The following RALGPS1 variants were observed in gnomAD, a reference collection of about 807,000 sequenced individuals.
The protein encoded by RALGPS1 is ras-specific guanine nucleotide-releasing factor RalGPS1.
A neutral mutation model predicts 78.8 loss-of-function variants in RALGPS1; 19 were observed. The ratio of observed to expected loss-of-function variants is 0.24; its 90% CI spans 0.17 to 0.35. The LOEUF is 0.35. Among genes scored for constraint, RALGPS1 ranks in the 10% least tolerant of loss-of-function variants. The pLI, the probability that RALGPS1 is intolerant of heterozygous loss-of-function variation, is 1.00. For synonymous variants in RALGPS1, 228 were observed against 256.3 expected (o/e 0.89, Z 1.06); for missense variants, 454 against 688.3 (o/e 0.66, Z 3.81).
Position 127,030,678 on chromosome 9 carries a change from T to C in RALGPS1, c.217-3753T>C, listed in dbSNP as rs138377777. ...ATATTAATGGGAGAAGCTTAATGCA[T>C]GTTAAAATGCTAGCAGGAAGGAGAA... On this transcript the variant is annotated intron_variant, in intron 4 of 18. Transcript: ENST00000259351. Among the ~76,000 whole-genome samples the C allele has an allele frequency of 1.1e-3, 172 of 151,558 alleles. 1 individual carries two copies. The highest frequency in any genetic ancestry group is 6.0e-3 in the East Asian group (31 of 5,144).
intron 1 of RALGPS1, among the ~76,000 whole-genome samples, chr9:126,953,591 G>C (rs1013791285): frequency 2.0e-5 from 3 of 152,162 alleles, no homozygotes; most frequent in Admixed American, 6.5e-5. Context: ...TTATCTCTCT[G>C]AGCCTCAGTT....
rs534506555 is a variant in RALGPS1 at position 127,212,564 on chromosome 9, G to A, written c.1354-63G>A. The A allele has an allele frequency of 1.3e-5, 16 of 1,197,134 alleles. No homozygotes were observed. The highest frequency in any genetic ancestry group is 9.2e-5 in the African/African-American group (6 of 65,440). The allele number at this position is 1,197,134 out of a possible 1,614,324, so 74.2% of individuals were successfully genotyped here. Reference sequence around the variant, plus strand: ...TGATGGGATGGCTGGGTCTGTAATCGGCCAGGGATCCTCTACCCCCACGAC... The same window carrying A: ...TGATGGGATGGCTGGGTCTGTAATCAGCCAGGGATCCTCTACCCCCACGAC... On this transcript the variant is annotated intron_variant, in intron 15 of 18. Transcript: ENST00000259351. This position sits in a 1 kb window ranked among gnomAD's most constrained non-coding sequence, Gnocchi z 6.0.
chr9:126,938,205 T>TTCC (rs2036435351), intron 1 of RALGPS1, among the ~76,000 whole-genome samples: 1 of 152,230 alleles, frequency 6.6e-6, no homozygotes, highest in Non-Finnish European at 1.5e-5. Context: ...ATCAGCAGTG[T>TTCC]TGGAAAGGAG....
chr9:127,077,291 G>C (rs546064438), intron 8 of RALGPS1, among the ~76,000 whole-genome samples: 2 of 152,190 alleles, frequency 1.3e-5, no homozygotes, highest in African/African-American at 2.4e-5. Context: ...TTTCCAGGGA[G>C]GGGGAAGGCT....
intron 11 of RALGPS1, among the ~76,000 whole-genome samples, chr9:127,175,220 A>AAC (rs1212848780): frequency 6.6e-6 from 1 of 152,334 alleles, no homozygotes; most frequent in Admixed American, 6.5e-5. Flanking sequence ...AGACTTGTGA[A>AAC]ACACACACAC....
chr9:126,939,981 G>A (rs770196366), intron 1 of RALGPS1, among the ~76,000 whole-genome samples: 4 of 152,204 alleles, frequency 2.6e-5, no homozygotes, highest in Non-Finnish European at 4.4e-5. Context: ...GGGCTTCAGC[G>A]AGGAGGTACT....
chr9:126,963,579 C>T (rs1219116727), intron 2 of RALGPS1, among the ~76,000 whole-genome samples: 1 of 152,162 alleles, frequency 6.6e-6, no homozygotes, highest in African/African-American at 2.4e-5. Flanking sequence ...ACCAACATAG[C>T]CCCATAATTT....
chr9:127,013,127 A>T (rs1180809240), intron 4 of RALGPS1, among the ~76,000 whole-genome samples: 1 of 152,212 alleles, frequency 6.6e-6, no homozygotes, highest in Non-Finnish European at 1.5e-5. Flanking sequence ...GGTACCAGGA[A>T]CAGCTTGAAC....
intron 14 of RALGPS1, among the ~76,000 whole-genome samples, chr9:127,202,942 G>A (rs1424464000): frequency 6.6e-6 from 1 of 152,182 alleles, no homozygotes; most frequent in Non-Finnish European, 1.5e-5. Context: ...TACCTGGAGA[G>A]GAGGGCTGTG....
intron 4 of RALGPS1, among the ~76,000 whole-genome samples, chr9:127,026,248 T>C (rs2045951487): frequency 6.6e-6 from 1 of 152,116 alleles, no homozygotes; most frequent in Non-Finnish European, 1.5e-5. Flanking sequence ...GCTAGGCCAG[T>C]GTAGTCTTTT....
At chr9:127,101,397 C>T (rs1420493354) in intron 8 of RALGPS1, among the ~76,000 whole-genome samples, 1 of 152,200 alleles carries the variant, frequency 6.6e-6, no homozygotes, top group African/African-American at 2.4e-5. Flanking sequence ...CCCCATAAGA[C>T]TGTGGGCTCC....
At chr9:127,146,096 A>G (rs2058077824) in intron 8 of RALGPS1, among the ~76,000 whole-genome samples, 1 of 152,120 alleles carries the variant, frequency 6.6e-6, no homozygotes, top group Non-Finnish European at 1.5e-5. Context: ...TTTATTTTAG[A>G]TATGGGGGTA....
intron 4 of RALGPS1, among the ~76,000 whole-genome samples, chr9:127,020,100 G>A (rs776407141): frequency 2.0e-5 from 3 of 150,992 alleles, no homozygotes; most frequent in Non-Finnish European, 3.0e-5. Flanking sequence ...TTTTTTTTCC[G>A]TCACTTTTTG....
intron 11 of RALGPS1, among the ~76,000 whole-genome samples, chr9:127,189,341 G>A (rs965408267): frequency 1.3e-5 from 2 of 152,194 alleles, no homozygotes; most frequent in African/African-American, 2.4e-5. Context: ...AGGCGAGGCC[G>A]CTTTGGACTG....
At chr9:126,968,295 G>C (rs1016117389) in intron 3 of RALGPS1, among the ~76,000 whole-genome samples, 2 of 152,070 alleles carry the variant, frequency 1.3e-5, no homozygotes, top group African/African-American at 4.8e-5. Context: ...ATGAGCCACC[G>C]CACCTGACCA....
intron 11 of RALGPS1, among the ~76,000 whole-genome samples, chr9:127,194,428 T>G (rs116361192): frequency 3.4e-3 from 518 of 152,294 alleles, no homozygotes; most frequent in African/African-American, 0.012. Context: ...ACACTTTTTT[T>G]TGGGGACGGA....
intron 8 of RALGPS1, among the ~76,000 whole-genome samples, chr9:127,132,390 C>T (rs369498025): frequency 6.6e-6 from 1 of 152,224 alleles, no homozygotes; most frequent in African/African-American, 2.4e-5. Context: ...GAATTATCTA[C>T]CACCACCACA....
At chr9:126,993,786 G>A (rs1284581374) in intron 4 of RALGPS1, among the ~76,000 whole-genome samples, 2 of 152,138 alleles carry the variant, frequency 1.3e-5, no homozygotes, top group Non-Finnish European at 2.9e-5. Context: ...CCCAGTAGGG[G>A]CGGACTGACA....
intron 7 of RALGPS1, among the ~76,000 whole-genome samples, chr9:127,065,163 G>A (rs907257178): frequency 1.3e-5 from 2 of 152,038 alleles, no homozygotes; most frequent in African/African-American, 4.8e-5. Flanking sequence ...GCCTAGACTA[G>A]AATGCAGTGG....
Sources: gnomAD v4.1 joint callset for allele counts (sites outside exome capture counted in the v4.1 genomes callset) on GRCh38, gnomAD v4.1.1 for gene constraint, Gnocchi (gnomAD v3.1) non-coding constraint, MANE v1.5 for transcripts, NCBI Gene and HGNC (gene_info 2026-07-23, HGNC 2026-07-21) for gene names.